ATRNL1: variants seen among roughly 807,000 people sequenced by gnomAD.
ATRNL1 encodes attractin like 1, also known as attractin-like protein 1.
In ATRNL1, 95 loss-of-function variants were observed where a neutral mutation model predicts 182.7. The observed-to-expected ratio is 0.52, with a 90% CI of 0.44 to 0.62. The LOEUF (loss-of-function observed/expected upper bound fraction) is 0.62. Among genes scored for constraint, ATRNL1 ranks in the 20% least tolerant of loss-of-function variants. The pLI is 0.00. For synonymous variants in ATRNL1, 576 were observed against 568.3 expected (o/e 1.01, Z -0.19); for missense variants, 1,471 against 1,679.5 (o/e 0.88, Z 2.17).
chr10:115,268,597 G>A (rs1273722344), intron 13 of ATRNL1, among the ~76,000 whole-genome samples, 153 bp downstream of exon 13: 2 of 152,190 alleles, frequency 1.3e-5, no homozygotes, highest in African/African-American at 4.8e-5. Context: ...TTGGCAAATT[G>A]TGAAGTTAGA....
chr10:115,437,381 T>C (rs1183615981), intron 21 of ATRNL1, among the ~76,000 whole-genome samples: 1 of 152,020 alleles, frequency 6.6e-6, no homozygotes, highest in Admixed American at 6.6e-5. Context: ...AAATAATCAG[T>C]CTGCTTTCAG....
At chr10:115,568,014 A>G (rs1854168133) in intron 26 of ATRNL1, among the ~76,000 whole-genome samples, 1 of 152,068 alleles carries the variant, frequency 6.6e-6, no homozygotes, top group South Asian at 2.1e-4. Context: ...TGTGCTTAGA[A>G]TTACTTATTT....
intron 5 of ATRNL1, among the ~76,000 whole-genome samples, chr10:115,138,973 C>T (rs1379057182): frequency 6.6e-6 from 1 of 152,144 alleles, no homozygotes; most frequent in African/African-American, 2.4e-5. Flanking sequence ...GAAATTTCTT[C>T]CACCAGATAC....
At chr10:115,888,062 G>C (rs1451542553) in intron 28 of ATRNL1, among the ~76,000 whole-genome samples, 1 of 152,140 alleles carries the variant, frequency 6.6e-6, no homozygotes, top group Non-Finnish European at 1.5e-5. Context: ...ACAGAAATCT[G>C]TAAGGTGGTC....
chr10:115,256,274 T>A (rs901676767), intron 10 of ATRNL1, among the ~76,000 whole-genome samples: 9 of 152,206 alleles, frequency 5.9e-5, no homozygotes, highest in Admixed American at 5.9e-4. Context: ...TCCTGGACTT[T>A]TTTTGTTTGG....
intron 26 of ATRNL1, among the ~76,000 whole-genome samples, chr10:115,694,423 C>G (rs1946489088): frequency 6.6e-6 from 1 of 151,954 alleles, no homozygotes; most frequent in Non-Finnish European, 1.5e-5. Context: ...TGGATAAGTT[C>G]TTTGGAAGTA....
intron 20 of ATRNL1, among the ~76,000 whole-genome samples, chr10:115,419,347 A>G (rs1565022374): frequency 6.6e-6 from 1 of 152,210 alleles, no homozygotes; most frequent in Non-Finnish European, 1.5e-5. Context: ...CCACAAAGGA[A>G]GCCTTTAAGA....
intron 8 of ATRNL1, among the ~76,000 whole-genome samples, chr10:115,186,383 C>T (rs1293682900): frequency 6.7e-6 from 1 of 149,904 alleles, no homozygotes; most frequent in African/African-American, 2.5e-5. Context: ...GAAAGAAGAT[C>T]ATTATAGCGA....
At chr10:115,151,795 G>A (rs562497513) in intron 5 of ATRNL1, among the ~76,000 whole-genome samples, 26 of 152,222 alleles carry the variant, frequency 1.7e-4, no homozygotes, top group South Asian at 8.3e-4. Context: ...GCCCATGCCT[G>A]TGTCCTGAAT....
intron 26 of ATRNL1, among the ~76,000 whole-genome samples, chr10:115,630,568 A>G (rs1565228906): frequency 6.6e-6 from 1 of 151,590 alleles, no homozygotes; most frequent in Non-Finnish European, 1.5e-5. Context: ...CTCCCATTAC[A>G]GCATTATTCA....
chr10:115,624,608 G>A (rs1857976872), intron 26 of ATRNL1, among the ~76,000 whole-genome samples: 1 of 152,140 alleles, frequency 6.6e-6, no homozygotes, highest in South Asian at 2.1e-4. Flanking sequence ...TCTGCGTTCA[G>A]TGTCATCACC....
chr10:115,476,265 G>C (rs1407947828), intron 24 of ATRNL1, among the ~76,000 whole-genome samples: 1 of 151,166 alleles, frequency 6.6e-6, no homozygotes, highest in Non-Finnish European at 1.5e-5. Context: ...TTTCGCTATG[G>C]TCAGAGAAAA....
intron 24 of ATRNL1, among the ~76,000 whole-genome samples, chr10:115,500,883 ATGGAACTTTGTTT>A (rs1849795205): frequency 7.7e-6 from 1 of 129,838 alleles, no homozygotes; most frequent in Non-Finnish European, 1.6e-5. Flanking sequence ...ATTGGCTTTG[ATGGAACTTTGTTT>A]CATAGCAGAA....
intron 21 of ATRNL1, among the ~76,000 whole-genome samples, chr10:115,460,565 G>T (rs1847746371): frequency 6.6e-6 from 1 of 151,936 alleles, no homozygotes; most frequent in South Asian, 2.1e-4. Flanking sequence ...TTACCTCCTT[G>T]CCTGTATTAC....
chr10:115,149,942 G>A (rs1846143832), intron 5 of ATRNL1, among the ~76,000 whole-genome samples: 1 of 149,034 alleles, frequency 6.7e-6, no homozygotes, highest in Admixed American at 6.7e-5. Context: ...AAAGTTTGGT[G>A]GACTTTGGCC....
At position 115,393,956 on chromosome 10, in the gene ATRNL1, A is replaced by T. The variant is rs1019905807; in HGVS notation, c.3176-703A>T. ...AATGGAAAGTTTCGTCTAGTACTCT[A>T]AAAGGATGATCTAAAAAGATCTAAA... On this transcript the variant is annotated intron_variant, in intron 19 of 28. Coordinates refer to ENST00000355044, the MANE Select transcript of ATRNL1 (RefSeq NM_207303.4). Among the ~76,000 whole-genome samples the T allele has an allele frequency of 4.5e-4, 69 of 152,198 alleles. 2 individuals carry two copies. The highest frequency in any genetic ancestry group is 4.5e-3 in the Admixed American group (68 of 15,274).
chr10:115,327,854 A>G (rs1854992551), intron 18 of ATRNL1, among the ~76,000 whole-genome samples: 1 of 151,932 alleles, frequency 6.6e-6, no homozygotes, highest in African/African-American at 2.4e-5. Context: ...CAAACACCGC[A>G]TATTCTCACT....
chr10:115,392,137 TACTA>T (rs1171468539), intron 19 of ATRNL1, among the ~76,000 whole-genome samples: 1 of 152,108 alleles, frequency 6.6e-6, no homozygotes, highest in Non-Finnish European at 1.5e-5. Flanking sequence ...TTATATAAAT[TACTA>T]ACAGTTTTAC....
chr10:115,748,280 G>A (rs892189765), intron 27 of ATRNL1, among the ~76,000 whole-genome samples: 5 of 151,634 alleles, frequency 3.3e-5, no homozygotes, highest in Non-Finnish European at 5.9e-5. Context: ...TACAATGAAG[G>A]AAGGGTAACA....
Sources: allele counts gnomAD v4.1 joint callset (sites outside exome capture counted in the v4.1 genomes callset), GRCh38; gene constraint gnomAD v4.1.1; transcripts MANE v1.5; gene names NCBI Gene and HGNC (gene_info 2026-07-23, HGNC 2026-07-21).